CCSER1: variants seen among roughly 807,000 people sequenced by gnomAD.
CCSER1 encodes the protein serine-rich coiled-coil domain-containing protein 1.
CCSER1 carries 41 observed loss-of-function variants against 82.0 expected under a neutral mutation model. The ratio of observed to expected loss-of-function variants is 0.50; its 90% confidence interval spans 0.39 to 0.65. The LOEUF (loss-of-function observed/expected upper bound fraction) is 0.65. Among genes scored for constraint, CCSER1 ranks in the 30% least tolerant of loss-of-function variants. The pLI is 0.00. For synonymous variants in CCSER1, 414 were observed against 383.9 expected, an observed-to-expected ratio of 1.08 and a Z score of -0.92; for missense variants, 1,119 against 1,064.2, an observed-to-expected ratio of 1.05 and a Z score of -0.72.
chr4:91,222,243 C>T (rs1350893284), intron 10 of CCSER1, among the ~76,000 whole-genome samples: 1 of 150,824 alleles, frequency 6.6e-6, no homozygotes, highest in African/African-American at 2.4e-5. Context: ...TGAGCACAGC[C>T]GAGAGAGGCG....
At chr4:91,017,200 C>T (rs1739506823) in intron 9 of CCSER1, 1 of 152,144 alleles carries the variant, frequency 6.6e-6, no homozygotes, top group African/African-American at 2.4e-5. Flanking sequence ...CCTAACTCTT[C>T]CCCTCCTTCT....
intron 9 of CCSER1, among the ~76,000 whole-genome samples, chr4:90,972,360 A>G (rs867634088): frequency 1.4e-4 from 22 of 151,966 alleles, no homozygotes; most frequent in Admixed American, 7.2e-4. Context: ...CCTTAAGTTT[A>G]TACAATTTTT....
chr4:90,457,255 G>A (rs146605497), intron 4 of CCSER1, among the ~76,000 whole-genome samples: 38 of 152,286 alleles, frequency 2.5e-4, no homozygotes, highest in African/African-American at 7.5e-4. Context: ...GCCAAATAGC[G>A]TGTAAGAGCC....
At chr4:90,969,225 A>G (rs1734852872) in intron 9 of CCSER1, among the ~76,000 whole-genome samples, 1 of 152,014 alleles carries the variant, frequency 6.6e-6, no homozygotes, top group South Asian at 2.1e-4. Flanking sequence ...AAAGGAAAAG[A>G]GAGCTTATTT....
intron 1 of CCSER1, among the ~76,000 whole-genome samples, chr4:90,150,233 A>G (rs147027059): frequency 6.6e-6 from 1 of 152,216 alleles, no homozygotes; most frequent in African/African-American, 2.4e-5. Flanking sequence ...CTGGAACCAA[A>G]CCCTGTGGGT....
intron 7 of CCSER1, among the ~76,000 whole-genome samples, chr4:90,776,526 T>G (rs950694227): frequency 6.6e-6 from 1 of 152,220 alleles, no homozygotes; most frequent in African/African-American, 2.4e-5. Flanking sequence ...AAGCTAGCTA[T>G]CTATTGAATA....
intron 3 of CCSER1, among the ~76,000 whole-genome samples, chr4:90,382,884 G>A (rs1749428582): frequency 4.6e-5 from 3 of 65,768 alleles, no homozygotes; most frequent in Admixed American, 4.3e-4. Context: ...ATTTATTGCT[G>A]AGTATTAAAT....
chr4:91,094,685 G>A (rs1724323139), intron 10 of CCSER1, among the ~76,000 whole-genome samples: 1 of 152,120 alleles, frequency 6.6e-6, no homozygotes, highest in Non-Finnish European at 1.5e-5. Context: ...TATGAGTACT[G>A]GGGCTTGATT....
intron 1 of CCSER1, among the ~76,000 whole-genome samples, chr4:90,169,728 C>A (rs1170429825): frequency 2.0e-5 from 3 of 152,046 alleles, no homozygotes; most frequent in Non-Finnish European, 2.9e-5. Flanking sequence ...TTCTTCCATT[C>A]TCACTACATG....
At chr4:91,523,517 G>C (rs1255123134) in intron 10 of CCSER1, among the ~76,000 whole-genome samples, 1 of 152,078 alleles carries the variant, frequency 6.6e-6, no homozygotes, top group African/African-American at 2.4e-5. Context: ...ACTTCTTTTT[G>C]TTGGTAGGCT....
intron 8 of CCSER1, among the ~76,000 whole-genome samples, chr4:90,851,292 G>GC (rs1344109827): frequency 6.6e-6 from 1 of 152,030 alleles, no homozygotes; most frequent in Admixed American, 6.5e-5. Context: ...TAACTACAAA[G>GC]CCAAAACACA....
At chr4:91,531,732 T>C (rs1486200730) in intron 10 of CCSER1, among the ~76,000 whole-genome samples, 4 of 152,138 alleles carry the variant, frequency 2.6e-5, no homozygotes, top group Non-Finnish European at 4.4e-5. Context: ...GATGACACCT[T>C]CTTGCTGCAT....
At position 90,628,139 on chromosome 4, in the gene CCSER1, C is replaced by A. The variant is rs745826608; in HGVS notation, c.1839C>A (p.Asn613Lys). 9 of 1,613,536 alleles carry A rather than the reference C, an allele frequency of 5.6e-6. No individual in the cohort carries two copies. The African/African-American group carries it at 6.7e-5, about 12-fold the overall frequency. The change falls in exon 6 of 11, where the codon AAC becomes AAA. Residue 613 changes from asparagine to lysine, a missense_variant. Physicochemically the swap from Asn to Lys is moderately conservative, Grantham distance 94. Coordinates refer to ENST00000509176, the MANE Select transcript of CCSER1 (RefSeq NM_001145065.2). ...ADWPLQGVEE[N>K]GGIDSLPFRL... ...GGCCTCTACAAGGTGTGGAAGAAAA[C>A]GGAGGCATAGATTCTCTGCCATTCA...
chr4:90,534,026 G>A (rs1007144404), intron 5 of CCSER1, among the ~76,000 whole-genome samples: 49 of 152,180 alleles, frequency 3.2e-4, no homozygotes, highest in Non-Finnish European at 7.4e-5. Context: ...CCAGGTCTTC[G>A]AGTTGATTGT....
rs564052763 is a variant in CCSER1, at chr4:91,481,480, G to A, written c.2218-117092G>A. Among the ~76,000 whole-genome samples the A allele has an allele frequency of 2.0e-4, 31 of 152,152 alleles. No homozygotes were observed. The South Asian group carries it at 5.8e-3, about 28-fold the overall frequency. Reference sequence around the variant, plus strand: ...GGACCTACCCTAATGGCCTGTTTAAGCTAATCACCCCCTTAAAGGCCCTAT... The same window carrying A: ...GGACCTACCCTAATGGCCTGTTTAAACTAATCACCCCCTTAAAGGCCCTAT... On this transcript the variant is annotated intron_variant, in intron 10 of 10. Transcript: ENST00000509176.
chr4:91,349,186 C>T (rs551041457), intron 10 of CCSER1, among the ~76,000 whole-genome samples: 1 of 152,052 alleles, frequency 6.6e-6, no homozygotes, highest in Admixed American at 6.5e-5. Context: ...GGATTACAGG[C>T]GTGAGACACG....
At chr4:91,555,072 C>A (rs926371467) in intron 10 of CCSER1, among the ~76,000 whole-genome samples, 2 of 151,170 alleles carry the variant, frequency 1.3e-5, no homozygotes, top group East Asian at 3.9e-4. Context: ...AGATCTGAAA[C>A]TCTAAAATTG....
intron 10 of CCSER1, among the ~76,000 whole-genome samples, chr4:91,289,635 G>C (rs1413424745): frequency 6.6e-6 from 1 of 151,922 alleles, no homozygotes; most frequent in Non-Finnish European, 1.5e-5. Context: ...CTTGAAGAGA[G>C]AGGTCAATAG....
intron 10 of CCSER1, among the ~76,000 whole-genome samples, chr4:91,179,227 C>A (rs1733741882): frequency 6.6e-6 from 1 of 152,088 alleles, no homozygotes; most frequent in Non-Finnish European, 1.5e-5. Flanking sequence ...GTCTGGCTGC[C>A]CTTAAAATTT....
Sources: gnomAD v4.1 joint callset for allele counts (sites outside exome capture counted in the v4.1 genomes callset) on GRCh38, gnomAD v4.1.1 for gene constraint, MANE v1.5 for transcripts, NCBI Gene and HGNC (gene_info 2026-07-23, HGNC 2026-07-21) for gene names.